The following LY75 variants were observed in gnomAD, a reference collection of about 807,000 sequenced individuals.
The protein encoded by LY75 is lymphocyte antigen 75.
In LY75, 185 loss-of-function variants were observed where a neutral mutation model predicts 231.7. That is an observed-to-expected ratio of 0.80 (90% CI 0.71 to 0.90). The LOEUF (loss-of-function observed/expected upper bound fraction) is 0.90. Ranked by LOEUF, LY75 falls within the 40% of genes least tolerant of loss-of-function variation. The pLI, the probability that LY75 is intolerant of heterozygous loss-of-function variation, is 0.00. For synonymous variants in LY75, 668 were observed against 689.0 expected (o/e 0.97, Z 0.48); for missense variants, 1,947 against 2,050.2 (o/e 0.95, Z 0.97).
chr2:159,879,429 C>A (rs996070709), intron 8 of LY75, 60 bp from the exon 9 acceptor site: 3 of 1,597,030 alleles, frequency 1.9e-6, no homozygotes, highest in Non-Finnish European at 2.6e-6. Context: ...ATATTCAGAA[C>A]TGAACTCACA....
intron 27 of LY75, among the ~76,000 whole-genome samples, chr2:159,832,135 T>C (rs1683682119): frequency 6.6e-6 from 1 of 152,176 alleles, no homozygotes. Context: ...GATTACGCTA[T>C]AATAATTAGA....
intron 12 of LY75, among the ~76,000 whole-genome samples, chr2:159,875,003 A>ATTGTATATATAAATATATATAT (rs1685219959): frequency 7.0e-6 from 1 of 143,776 alleles, no homozygotes; most frequent in Non-Finnish European, 1.5e-5. Context: ...AAATATATAT[A>ATTGTATATATAAATATATATAT]TTGTATATAT....
chr2:159,881,279 TTAAA>T (rs764758187), intron 7 of LY75, 39 bp from the exon 8 acceptor site: 2 of 1,588,816 alleles, frequency 1.3e-6, no homozygotes, highest in Admixed American at 3.5e-5. Flanking sequence ...TTTTGCTCAA[TTAAA>T]TACTGTAATA....
chr2:159,875,546 C>A lies in LY75; in HGVS notation c.1872G>T (p.Lys624Asn). Residue 624 changes from lysine (K) to asparagine (N), a missense_variant, in exon 12 of 35, where the codon AAG becomes AAT. By Grantham distance (94) the Lys-to-Asn change is moderately conservative. Coordinates refer to ENST00000263636, the MANE Select transcript of LY75 (RefSeq NM_002349.4). ...CAGGCCCAAGGGGTCCACTCATTTT[C>A]TTGCAAATTGAAAGTGCTTTGAAGC... ...CRSFKALSIC[K>N]KMSGPLGPEE... The A allele has an allele frequency of 6.2e-7, 1 of 1,614,078 alleles. No individual in the cohort carries two copies. Among genetic ancestry groups the A allele is most frequent in the Non-Finnish European group, 8.5e-7 (1 of 1,179,986 alleles).
intron 25 of LY75, among the ~76,000 whole-genome samples, chr2:159,839,732 G>A (rs531702136): frequency 3.9e-5 from 6 of 152,078 alleles, no homozygotes; most frequent in East Asian, 1.9e-4. Flanking sequence ...GAAGCTGGTC[G>A]TGGTGGCTCA....
chr2:159,902,617 T>A (rs1686113156), intron 1 of LY75: 2 of 152,210 alleles, frequency 1.3e-5, no homozygotes, highest in South Asian at 4.1e-4. Flanking sequence ...CGTCCATAGA[T>A]CACATATTAA....
chr2:159,858,451 C>T lies in LY75; in HGVS notation c.2294G>A (p.Gly765Asp), dbSNP rs549633071. ...TTCTCTATCATCATAGAAATGCCAG[C>T]CTCTTCGCCATGGCCTATGAAATAC... is the stretch of plus-strand genomic sequence containing the variant. ...VKVFHRPWRRGWHFYDDREFI... is the reference protein window; with the variant it reads ...VKVFHRPWRRDWHFYDDREFI... Residue 765 changes from glycine (G) to aspartate (D), a missense_variant, in exon 16 of 35, where the codon GGC becomes GAC. Coordinates refer to ENST00000263636, the MANE Select transcript of LY75 (RefSeq NM_002349.4). The T allele has an allele frequency of 6.2e-7, 1 of 1,612,872 alleles. No homozygotes were observed.
intron 25 of LY75, among the ~76,000 whole-genome samples, chr2:159,838,719 C>A (rs1447517607): frequency 6.6e-6 from 1 of 152,154 alleles, no homozygotes; most frequent in African/African-American, 2.4e-5. Context: ...TGCTATAAAA[C>A]AATTGAGACT....
chr2:159,858,254 G>A, intron 16 of LY75, 108 bp downstream of exon 16: 2 of 1,368,490 alleles, frequency 1.5e-6, no homozygotes, highest in South Asian at 1.5e-5. Flanking sequence ...ATCATCATAG[G>A]CTTTTAGACA....
chr2:159,825,504 T>C (rs1271132539), intron 28 of LY75, among the ~76,000 whole-genome samples: 1 of 152,182 alleles, frequency 6.6e-6, no homozygotes, highest in Non-Finnish European at 1.5e-5. Flanking sequence ...ACCAGACAGA[T>C]TCACAGCTGA....
At chr2:159,881,760 A>G (rs1439559882) in intron 7 of LY75, among the ~76,000 whole-genome samples, 1 of 152,220 alleles carries the variant, frequency 6.6e-6, no homozygotes, top group Non-Finnish European at 1.5e-5. Flanking sequence ...ATTATCACTT[A>G]AGTTTTTTGA....
At chr2:159,896,277 A>G (rs1243316800) in intron 2 of LY75, among the ~76,000 whole-genome samples, 1 of 152,230 alleles carries the variant, frequency 6.6e-6, no homozygotes, top group Non-Finnish European at 1.5e-5. Flanking sequence ...GCTAGTCAAA[A>G]GCAGTTCACT....
intron 16 of LY75, among the ~76,000 whole-genome samples, chr2:159,857,227 A>T (rs1175680572): frequency 6.6e-6 from 1 of 152,166 alleles, no homozygotes; most frequent in Non-Finnish European, 1.5e-5. Flanking sequence ...TGTGAAAGAG[A>T]TTTGCTACTA....
chr2:159,808,635 C>A, intron 32 of LY75, 64 bp from the exon 33 acceptor site: 2 of 1,587,094 alleles, frequency 1.3e-6, no homozygotes. Context: ...TTATTCTCAA[C>A]TAGCCATTTG....
intron 25 of LY75, among the ~76,000 whole-genome samples, chr2:159,840,429 A>T (rs761239384): frequency 2.0e-5 from 3 of 152,076 alleles, no homozygotes; most frequent in Non-Finnish European, 4.4e-5. Context: ...AAAATTAGCC[A>T]GGTATGGTGG....
rs749301890 is a variant in LY75, at chr2:159,898,646, A to C, written c.466+42T>G. ...TGCATGTTTAATGCCACATGTGACAAGCACAACAGCAAATCGGTCAAAGTC... is the reference window on the plus strand; with the variant it reads ...TGCATGTTTAATGCCACATGTGACACGCACAACAGCAAATCGGTCAAAGTC... On this transcript the variant is annotated intron_variant, in intron 2 of 34. Transcript: ENST00000263636. 3.8e-6 allele frequency: 6 copies of C among 1,573,532 alleles called. No individual in the cohort carries two copies. In the South Asian group the frequency reaches 5.8e-5, roughly 15 times the overall value.
chr2:159,830,495 T>G (rs1234548692), intron 28 of LY75, among the ~76,000 whole-genome samples: 1 of 152,134 alleles, frequency 6.6e-6, no homozygotes, highest in Non-Finnish European at 1.5e-5. Context: ...TTTTAAAAAA[T>G]TTTGTTATCA....
intron 8 of LY75, among the ~76,000 whole-genome samples, chr2:159,879,901 T>A (rs11678284): frequency 6.6e-6 from 1 of 152,080 alleles, no homozygotes; most frequent in African/African-American, 2.4e-5. Context: ...ATTTGCTTAA[T>A]TGACTACGTC....
At chr2:159,896,076 C>T (rs1685902069) in intron 2 of LY75, among the ~76,000 whole-genome samples, 1 of 152,214 alleles carries the variant, frequency 6.6e-6, no homozygotes, top group African/African-American at 2.4e-5. Context: ...TCATCAGTAA[C>T]ATGAGACAAA....
Sources: allele counts gnomAD v4.1 joint callset (sites outside exome capture counted in the v4.1 genomes callset), GRCh38; gene constraint gnomAD v4.1.1; transcripts MANE v1.5; gene names NCBI Gene and HGNC (gene_info 2026-07-23, HGNC 2026-07-21).